LBH: variants seen among roughly 807,000 people sequenced by gnomAD.
LBH encodes LBH regulator of Wnt signaling pathway, also known as protein LBH.
LBH carries 7 observed loss-of-function variants against 12.5 expected under a neutral mutation model. That is an observed-to-expected ratio of 0.56 (90% CI 0.32 to 1.05). The LOEUF (loss-of-function observed/expected upper bound fraction) is 1.05, where lower values mean the gene tolerates loss of function less well. Ranked by LOEUF, LBH falls within the 50% of genes least tolerant of loss-of-function variation. The pLI is 0.04. For missense variants in LBH, 119 were observed against 138.9 expected (o/e 0.86, Z 0.72); for synonymous variants, 51 against 50.1 (o/e 1.02, Z -0.08).
At position 30,232,675 on chromosome 2, in the gene LBH, C is replaced by G. The variant is rs371038697; in HGVS notation, c.26+911C>G. ...AACCGGCGCAAGCCGCGGCGGGGTC[C>G]GGCCTGGCCCAAGAAGCGGAAAGTT... On this transcript the variant is annotated intron_variant, in intron 1 of 2. Transcript: ENST00000395323. 292 of 155,200 alleles carry G rather than the reference C, an allele frequency of 1.9e-3. 2 individuals are homozygous for G. The highest frequency in any genetic ancestry group is 9.5e-3 in the South Asian group (47 of 4,968). 9.6% of individuals were successfully genotyped at this position (155,200 alleles called of 1,614,324 possible).
At chr2:30,249,759 T>C (rs1677945960) in intron 2 of LBH, among the ~76,000 whole-genome samples, 1 of 152,230 alleles carries the variant, frequency 6.6e-6, no homozygotes, top group African/African-American at 2.4e-5. Context: ...TAAATGCTGC[T>C]GGGGGACCCC....
At chr2:30,250,884 G>T (rs1015493427) in intron 2 of LBH, among the ~76,000 whole-genome samples, 1 of 151,676 alleles carries the variant, frequency 6.6e-6, no homozygotes, top group South Asian at 2.1e-4. Flanking sequence ...TGCCTTCATC[G>T]TCCGCATACT....
At chr2:30,236,309 G>T (rs1184954526) in intron 2 of LBH, among the ~76,000 whole-genome samples, 1 of 152,230 alleles carries the variant, frequency 6.6e-6, no homozygotes, top group Admixed American at 6.5e-5. Flanking sequence ...AGCTGGGGGA[G>T]GAAGGCCAAC....
intron 2 of LBH, among the ~76,000 whole-genome samples, chr2:30,240,312 T>C (rs561253356): frequency 2.6e-4 from 40 of 152,288 alleles, no homozygotes; most frequent in African/African-American, 8.2e-4. Flanking sequence ...ATAGAAAGGA[T>C]GGTACTGTTA....
intron 2 of LBH, 21 bp downstream of exon 2, chr2:30,234,528 C>G: frequency 1.3e-6 from 2 of 1,560,336 alleles, no homozygotes; most frequent in South Asian, 1.1e-5. Context: ...CCTGGCTCCC[C>G]TCTGACTCTC....
At chr2:30,232,322 C>T in intron 1 of LBH, 2 of 1,323,126 alleles carry the variant, frequency 1.5e-6, no homozygotes. Flanking sequence ...CTCTCAACCC[C>T]TGCCCTCTCC....
chr2:30,246,804 A>ACTCCCTCC lies in LBH; in HGVS notation c.130-10612_130-10605dup, dbSNP rs140062761. Among the ~76,000 whole-genome samples the ACTCCCTCC allele has an allele frequency of 3.3e-5, 4 of 122,588 alleles. No homozygotes were observed. In the East Asian group the frequency reaches 7.1e-4, roughly 22 times the overall value. The allele number at this position is 122,588 out of a possible 152,430, so 80.4% of individuals were successfully genotyped here. ...TTTCTTTTTCTTTCCTTCCTCACTCACTCCCTCCCTCCCTCCCTCCCTCCT... is the reference window on the plus strand; with the variant it reads ...TTTCTTTTTCTTTCCTTCCTCACTCACTCCCTCCCTCCCTCCCTCCCTCCCTCCCTCCT... On this transcript the variant is annotated intron_variant, in intron 2 of 2. Coordinates refer to ENST00000395323, the MANE Select transcript of LBH (RefSeq NM_030915.4).
At chr2:30,241,457 T>G (rs899224049) in intron 2 of LBH, among the ~76,000 whole-genome samples, 1 of 144,392 alleles carries the variant, frequency 6.9e-6, no homozygotes. Context: ...ATTTTCTTTC[T>G]TTCTTTTTTT....
At position 30,257,715 on chromosome 2, in the gene LBH, T is replaced by A; in HGVS notation, c.*94T>A. The A allele has an allele frequency of 1.1e-6, 1 of 928,908 alleles. No individual in the cohort carries two copies. The highest frequency in any genetic ancestry group is 2.0e-5 in the South Asian group (1 of 49,266). 57.5% of individuals were successfully genotyped at this position (928,908 alleles called of 1,614,324 possible). A position where few individuals can be genotyped will look rare whatever the true frequency, so the allele number is the denominator to read the frequency against. On this transcript the variant is annotated 3_prime_UTR_variant, in exon 3 of 3. Transcript: ENST00000395323. ...ACGGAAGAAGAGAGTGAGCCGCAAT[T>A]GTTCTGAAAATGTCAAACGAGGCTT...
intron 2 of LBH, 103 bp from the exon 3 acceptor site, chr2:30,257,330 C>G (rs6548005): frequency 0.19 from 249,767 of 1,284,952 alleles, 26,696 homozygotes; most frequent in Admixed American, 0.35. Context: ...AGTCCCTGGC[C>G]TATGGCATGC....
At chr2:30,247,875 A>G (rs1677903364) in intron 2 of LBH, among the ~76,000 whole-genome samples, 2 of 152,242 alleles carry the variant, frequency 1.3e-5, no homozygotes. Flanking sequence ...CACTATGTTA[A>G]TTCTCGCCAA....
chr2:30,232,919 C>G (rs531624753), intron 1 of LBH: 1 of 152,398 alleles, frequency 6.6e-6, no homozygotes, highest in Admixed American at 6.5e-5. Context: ...AGTCTCCCTG[C>G]CCCCATCCGT....
intron 2 of LBH, among the ~76,000 whole-genome samples, chr2:30,246,761 C>CTTCT (rs1553334689): frequency 9.1e-5 from 12 of 132,488 alleles, no homozygotes; most frequent in African/African-American, 3.5e-4. Flanking sequence ...TTTTTCCTTC[C>CTTCT]TTCTTTCTCT....
intron 2 of LBH, among the ~76,000 whole-genome samples, chr2:30,253,261 G>A (rs1485564604): frequency 6.6e-6 from 1 of 152,192 alleles, no homozygotes; most frequent in African/African-American, 2.4e-5. Flanking sequence ...GTCAGCCTCT[G>A]AAGCAGCTGT....
intron 2 of LBH, among the ~76,000 whole-genome samples, chr2:30,253,018 T>G (rs1452642575): frequency 1.3e-5 from 2 of 152,104 alleles, no homozygotes; most frequent in Admixed American, 1.3e-4. Flanking sequence ...CAGAAGCAGT[T>G]TCTTTTGGGA....
At chr2:30,241,930 G>GT (rs1435051655) in intron 2 of LBH, among the ~76,000 whole-genome samples, 5 of 152,094 alleles carry the variant, frequency 3.3e-5, no homozygotes, top group Non-Finnish European at 7.4e-5. Flanking sequence ...CAGCGTCTAA[G>GT]TCATCAGCAC....
At chr2:30,248,412 G>A (rs1677914675) in intron 2 of LBH, among the ~76,000 whole-genome samples, 1 of 152,234 alleles carries the variant, frequency 6.6e-6, no homozygotes, top group Non-Finnish European at 1.5e-5. Flanking sequence ...AAGCTACGTG[G>A]TGGGGGTTAG....
intron 2 of LBH, among the ~76,000 whole-genome samples, chr2:30,245,318 G>A (rs1677852905): frequency 6.6e-6 from 1 of 152,132 alleles, no homozygotes; most frequent in South Asian, 2.1e-4. Flanking sequence ...TAAAAGAGTG[G>A]TATGTATATT....
chr2:30,245,753 G>A (rs80304239), intron 2 of LBH, among the ~76,000 whole-genome samples: 1,963 of 152,158 alleles, frequency 0.013, 43 homozygotes, highest in African/African-American at 0.045. Flanking sequence ...AATCCTTATT[G>A]TGTTTTTTAA....
Sources: gnomAD v4.1 joint callset for allele counts (sites outside exome capture counted in the v4.1 genomes callset) on GRCh38, gnomAD v4.1.1 for gene constraint, MANE v1.5 for transcripts, NCBI Gene and HGNC (gene_info 2026-07-23, HGNC 2026-07-21) for gene names.